The following UNC79 variants were observed in gnomAD, a reference collection of about 807,000 sequenced individuals.
UNC79 encodes the protein unc-79 subunit of NALCN channel complex.
Under a neutral mutation model 283.1 loss-of-function variants are expected in UNC79, and 37 were observed. The observed-to-expected ratio is 0.13, with a 90% confidence interval of 0.10 to 0.17. UNC79 has a LOEUF of 0.17. Among genes scored for constraint, UNC79 ranks in the 10% least tolerant of loss-of-function variants. The pLI is 1.00. For missense variants in UNC79, 2,272 were observed against 3,211.1 expected (o/e 0.71, Z 7.07); for synonymous variants, 1,107 against 1,200.2 (o/e 0.92, Z 1.61).
intron 1 of UNC79, among the ~76,000 whole-genome samples, chr14:93,352,492 T>C (rs1412621769): frequency 6.6e-6 from 1 of 152,202 alleles, no homozygotes; most frequent in African/African-American, 2.4e-5. Flanking sequence ...TAATACTGTA[T>C]GTTGGGAAAT....
At chr14:93,528,644 A>C (rs1418386035) in exon 9 of UNC79, 5 of 1,613,624 alleles carry the variant, frequency 3.1e-6, no homozygotes, top group Non-Finnish European at 4.2e-6. Flanking sequence ...AGAGGATTGC[A>C]GGGTAGGTAT....
rs559001128 is a variant in UNC79 at position 93,335,389 on chromosome 14, CA to C, written c.-351+1868del. Among the ~76,000 whole-genome samples the C allele has an allele frequency of 2.5e-3, 385 of 152,334 alleles. 1 individual carries two copies. The highest frequency in any genetic ancestry group is 4.8e-3 in the Admixed American group (74 of 15,304). On this transcript the variant is annotated intron_variant, in intron 1 of 49. Transcript: ENST00000256339. ...ATTTAAAGTATCCAGTACCATGTGC[CA>C]AGCACGGTACTACATGCTGGGGGTA...
intron 1 of UNC79, among the ~76,000 whole-genome samples, chr14:93,339,858 T>C (rs1052433294): frequency 6.6e-6 from 1 of 152,258 alleles, no homozygotes; most frequent in Non-Finnish European, 1.5e-5. Flanking sequence ...ACATTAAATA[T>C]GCTAGTATGT....
chr14:93,671,952 A>G (rs1378632552), intron 40 of UNC79, among the ~76,000 whole-genome samples: 1 of 152,228 alleles, frequency 6.6e-6, no homozygotes, highest in Admixed American at 6.5e-5. Flanking sequence ...ATCTCTAATC[A>G]TCAGGGAAAT....
intron 1 of UNC79, among the ~76,000 whole-genome samples, chr14:93,416,415 T>G (rs1302173412): frequency 2.0e-5 from 3 of 151,784 alleles, no homozygotes; most frequent in African/African-American, 7.3e-5. Context: ...ATCTTTTACA[T>G]TTGCTGAGGA....
chr14:93,361,504 C>T (rs2054226076), intron 1 of UNC79, among the ~76,000 whole-genome samples: 3 of 95,482 alleles, frequency 3.1e-5, no homozygotes, highest in African/African-American at 1.4e-4. Context: ...CAGTGAGACA[C>T]TATCTCAAAA....
rs571864146 is a variant in UNC79, at chr14:93,452,277, G to C, written c.23-15394G>C. Among the ~76,000 whole-genome samples, 4 of 151,646 alleles carry C rather than the reference G, an allele frequency of 2.6e-5. No individual in the cohort carries two copies. The East Asian group carries it at 7.7e-4, about 29-fold the overall frequency. Reference sequence around the variant, plus strand: ...CTGCATGACATCAGGGACTGTGGCTGTCTTGTGCACTGTTACATCCCCAGC... The same window carrying C: ...CTGCATGACATCAGGGACTGTGGCTCTCTTGTGCACTGTTACATCCCCAGC... On this transcript the variant is annotated intron_variant, in intron 1 of 48. Transcript: ENST00000555664.
chr14:93,662,497 A>C, intron 39 of UNC79, 107 bp from the exon 43 acceptor site: 1 of 768,742 alleles, frequency 1.3e-6, no homozygotes, highest in Non-Finnish European at 2.0e-6. Context: ...CAGAGTTTTC[A>C]ATTAAAAAAA....
At chr14:93,339,126 C>T (rs1482247744) in intron 1 of UNC79, among the ~76,000 whole-genome samples, 1 of 152,080 alleles carries the variant, frequency 6.6e-6, no homozygotes, top group African/African-American at 2.4e-5. Context: ...GTAATGCCAT[C>T]TTAGAAAAAG....
intron 1 of UNC79, among the ~76,000 whole-genome samples, chr14:93,453,112 A>C (rs1458119478): frequency 3.3e-5 from 5 of 152,190 alleles, no homozygotes; most frequent in African/African-American, 1.2e-4. Context: ...GATCCCAAAT[A>C]ATTCCCAGAG....
intron 27 of UNC79, among the ~76,000 whole-genome samples, chr14:93,614,077 T>A (rs2066505431): frequency 6.6e-6 from 1 of 151,626 alleles, no homozygotes; most frequent in African/African-American, 2.4e-5. Context: ...TAGCCTGGTA[T>A]CATCAAGGGA....
rs146420696 is a variant in UNC79 at position 93,613,022 on chromosome 14, T to A, written c.3980T>A (p.Ile1327Asn). The change falls in exon 27 of 49, where the codon ATT (isoleucine) becomes AAT (asparagine). Residue 1327 changes from isoleucine (I) to asparagine (N), a missense_variant. Physicochemically the swap from Ile to Asn is moderately radical, Grantham distance 149. Around this residue, in one of 11 missense-constraint regions of UNC79, gnomAD observed 128 missense variants for 230.3 expected, o/e 0.56. Transcript: ENST00000555664. ...GACCAGCAGGAAGGTTGCTTCATGA[T>A]TGCACCTCAAAAAATGCGCCTGTCA... 1.5e-5 allele frequency: 25 copies of A among 1,614,188 alleles called. No individual in the cohort carries two copies. The South Asian group carries it at 2.6e-4, about 17-fold the overall frequency.
At chr14:93,422,481 A>C (rs1256305765) in intron 1 of UNC79, among the ~76,000 whole-genome samples, 1 of 152,134 alleles carries the variant, frequency 6.6e-6, no homozygotes, top group East Asian at 1.9e-4. Flanking sequence ...GAATTCCAAA[A>C]GGAAGGAGGG....
chr14:93,660,580 T>TGTGTGTGTG (rs1555394986), intron 39 of UNC79, among the ~76,000 whole-genome samples: 1 of 135,944 alleles, frequency 7.4e-6, no homozygotes, highest in Non-Finnish European at 1.6e-5. Context: ...TGTGTGTGTG[T>TGTGTGTGTG]TCATTTTATT....
chr14:93,639,075 A>G (rs1295399706), intron 32 of UNC79, among the ~76,000 whole-genome samples: 1 of 152,228 alleles, frequency 6.6e-6, no homozygotes, highest in Non-Finnish European at 1.5e-5. Context: ...TTAGGCAATA[A>G]TTAGTTTGAA....
chr14:93,505,901 C>T (rs749791629), intron 7 of UNC79, among the ~76,000 whole-genome samples: 11 of 151,822 alleles, frequency 7.2e-5, no homozygotes, highest in Non-Finnish European at 1.0e-4. Flanking sequence ...TATATTGCTG[C>T]GTAAAGTGGC....
Position 93,688,626 on chromosome 14 carries a change from G to A in UNC79, c.6910-39G>A, listed in dbSNP as rs1018690282. The A allele has an allele frequency of 6.3e-7, 1 of 1,596,334 alleles. No individual in the cohort carries two copies. On this transcript the variant is annotated intron_variant, in intron 43 of 48. Transcript: ENST00000555664. This position sits in a 1 kb window ranked among gnomAD's most constrained non-coding sequence, Gnocchi z 4.0. ...AAAGAATGGCCTGGAATGAATCCAGGTGTCTGCCAGAGTTACAAAATACCA... is the reference window on the plus strand; with the variant it reads ...AAAGAATGGCCTGGAATGAATCCAGATGTCTGCCAGAGTTACAAAATACCA...
chr14:93,396,526 A>G (rs1469815624), intron 1 of UNC79, among the ~76,000 whole-genome samples: 1 of 152,044 alleles, frequency 6.6e-6, no homozygotes, highest in Non-Finnish European at 1.5e-5. Context: ...TGAAAGCTAG[A>G]CATTTTAAGT....
At chr14:93,604,953 A>C in intron 26 of UNC79, 1 of 1,580,118 alleles carries the variant, frequency 6.3e-7, no homozygotes, top group African/African-American at 1.4e-5. Flanking sequence ...ACACCCGAAC[A>C]GACGCCAGGT....
Sources: gnomAD v4.1 joint callset for allele counts (sites outside exome capture counted in the v4.1 genomes callset) on GRCh38, gnomAD v4.1.1 for gene constraint, gnomAD v4.1.1 regional missense constraint, Gnocchi (gnomAD v3.1) non-coding constraint, MANE v1.5 for transcripts, NCBI Gene and HGNC (gene_info 2026-07-23, HGNC 2026-07-21) for gene names.